Variants in MEIS2 observed in about 807,000 individuals in gnomAD.
The protein encoded by MEIS2 is Meis homeobox 2, also known as homeobox protein Meis2.
A neutral mutation model predicts 58.6 loss-of-function variants in MEIS2; 9 were observed. That is an observed-to-expected ratio of 0.15 (90% CI 0.09 to 0.27). MEIS2 has a LOEUF of 0.27. Among genes scored for constraint, MEIS2 ranks in the 10% least tolerant of loss-of-function variants. The pLI is 1.00. For synonymous variants in MEIS2, 221 were observed against 228.4 expected (o/e 0.97, Z 0.29); for missense variants, 427 against 635.0 (o/e 0.67, Z 3.52).
chr15:37,002,870 A>T (rs764628855), intron 8 of MEIS2, among the ~76,000 whole-genome samples: 3 of 152,180 alleles, frequency 2.0e-5, no homozygotes, highest in Non-Finnish European at 1.5e-5. Flanking sequence ...ATTTGCTTTC[A>T]ATTGGAAGAT....
intron 8 of MEIS2, among the ~76,000 whole-genome samples, chr15:36,993,338 T>C (rs1053226160): frequency 2.6e-5 from 4 of 152,174 alleles, no homozygotes; most frequent in Admixed American, 6.5e-5. Flanking sequence ...AAAGTATTAA[T>C]CCACTTGTCA....
At chr15:37,070,739 C>T (rs143607736) in intron 7 of MEIS2, among the ~76,000 whole-genome samples, 82 of 152,080 alleles carry the variant, frequency 5.4e-4, no homozygotes, top group Middle Eastern at 3.4e-3. Context: ...TGCAACAATG[C>T]TAAAAAAATT....
chr15:37,073,389 C>G (rs963984035), intron 7 of MEIS2, among the ~76,000 whole-genome samples: 1 of 151,952 alleles, frequency 6.6e-6, no homozygotes, highest in Admixed American at 6.6e-5. Context: ...TGGTACTCCC[C>G]CCACCACCAC....
chr15:37,043,266 C>T (rs1048583725), intron 7 of MEIS2, among the ~76,000 whole-genome samples: 1 of 152,154 alleles, frequency 6.6e-6, no homozygotes, highest in East Asian at 1.9e-4. Context: ...GATAGCTCAT[C>T]TGGAGGAACA....
intron 8 of MEIS2, among the ~76,000 whole-genome samples, chr15:36,973,534 T>C (rs1028023486): frequency 1.3e-5 from 2 of 152,182 alleles, no homozygotes; most frequent in African/African-American, 4.8e-5. Context: ...TTAGTAGGTG[T>C]TATAAAACAT....
In MEIS2 at chr15:37,006,438, C is replaced by T. The variant is rs565453015; in HGVS notation, c.900+30376G>A. 1.2e-4 allele frequency among the ~76,000 whole-genome samples: 19 copies of T among 152,304 alleles called. No homozygotes were observed. In the South Asian group the frequency reaches 3.9e-3, roughly 32 times the overall value. On this transcript the variant is annotated intron_variant, in intron 8 of 11. Transcript: ENST00000561208. ...AATTAAGATGTCAGCTTTTCTAACACTTTCAGGGGTGTGACCTTATATCTT... is the reference window on the plus strand; with the variant it reads ...AATTAAGATGTCAGCTTTTCTAACATTTTCAGGGGTGTGACCTTATATCTT...
intron 6 of MEIS2, among the ~76,000 whole-genome samples, chr15:37,092,565 C>T (rs1893659598): frequency 6.6e-6 from 1 of 151,978 alleles, no homozygotes; most frequent in Non-Finnish European, 1.5e-5. Flanking sequence ...CCCCCATTTC[C>T]AGGCTTGAGT....
intron 8 of MEIS2, among the ~76,000 whole-genome samples, chr15:36,959,093 T>C (rs568979210): frequency 6.6e-6 from 1 of 152,280 alleles, no homozygotes; most frequent in African/African-American, 2.4e-5. Flanking sequence ...ATTTTATGCC[T>C]AACAAAACTG....
chr15:36,916,150 G>T (rs1012689594), intron 9 of MEIS2, among the ~76,000 whole-genome samples: 31 of 150,958 alleles, frequency 2.1e-4, no homozygotes, highest in Non-Finnish European at 3.0e-4. Context: ...GTCTCAGGCT[G>T]GGCGCAGTGG....
intron 8 of MEIS2, among the ~76,000 whole-genome samples, chr15:37,031,316 T>C (rs569237046): frequency 6.6e-6 from 1 of 152,176 alleles, no homozygotes; most frequent in Non-Finnish European, 1.5e-5. Context: ...AAAGAAGCCA[T>C]CTGGATCTGC....
chr15:36,933,361 A>T (rs2058050231), intron 9 of MEIS2, among the ~76,000 whole-genome samples: 1 of 152,186 alleles, frequency 6.6e-6, no homozygotes, highest in Non-Finnish European at 1.5e-5. Context: ...ACATACCCAT[A>T]CACATATATG....
chr15:37,084,649 A>G (rs1315592602), intron 6 of MEIS2, among the ~76,000 whole-genome samples: 2 of 152,210 alleles, frequency 1.3e-5, no homozygotes, highest in South Asian at 2.1e-4. Context: ...TAGAAGAACT[A>G]CTTGTTTCAA....
chr15:37,070,653 T>G (rs1314318635), intron 7 of MEIS2, among the ~76,000 whole-genome samples: 1 of 152,158 alleles, frequency 6.6e-6, no homozygotes, highest in Non-Finnish European at 1.5e-5. Flanking sequence ...TAAATATTCT[T>G]GGAACCATAG....
chr15:37,009,881 TA>T (rs1281621343), intron 8 of MEIS2, among the ~76,000 whole-genome samples: 4 of 152,310 alleles, frequency 2.6e-5, no homozygotes, highest in African/African-American at 9.6e-5. Flanking sequence ...GGATATGAAT[TA>T]AAAAACTAAA....
chr15:37,009,769 G>A (rs1282316819), intron 8 of MEIS2, among the ~76,000 whole-genome samples: 2 of 152,158 alleles, frequency 1.3e-5, no homozygotes, highest in Non-Finnish European at 2.9e-5. Flanking sequence ...AGGATCTGGA[G>A]ATTGAAAAGG....
At chr15:36,971,536 T>TGAAAAAAAAAAAAA (rs1567126001) in intron 8 of MEIS2, among the ~76,000 whole-genome samples, 1 of 65,436 alleles carries the variant, frequency 1.5e-5, no homozygotes, top group Non-Finnish European at 2.5e-5. Flanking sequence ...CCTTGTTACA[T>TGAAAAAAAAAAAAA]TAAAAAAAAA....
intron 9 of MEIS2, among the ~76,000 whole-genome samples, chr15:36,938,394 C>G (rs574656172): frequency 1.3e-5 from 2 of 152,178 alleles, no homozygotes; most frequent in Non-Finnish European, 2.9e-5. Flanking sequence ...TCAGGCCCCA[C>G]TCAGATCTGC....
intron 8 of MEIS2, among the ~76,000 whole-genome samples, chr15:36,967,183 G>A (rs1362509995): frequency 2.6e-5 from 4 of 152,072 alleles, no homozygotes; most frequent in Admixed American, 2.6e-4. Flanking sequence ...CTCACATAGC[G>A]ATATCCTAAC....
At chr15:36,925,792 G>A (rs2057724542) in intron 9 of MEIS2, among the ~76,000 whole-genome samples, 1 of 152,104 alleles carries the variant, frequency 6.6e-6, no homozygotes, top group African/African-American at 2.4e-5. Context: ...AGTGCTGTGA[G>A]CTTGGGTCAC....
Sources: gnomAD v4.1 joint callset for allele counts (sites outside exome capture counted in the v4.1 genomes callset) on GRCh38, gnomAD v4.1.1 for gene constraint, MANE v1.5 for transcripts, NCBI Gene and HGNC (gene_info 2026-07-23, HGNC 2026-07-21) for gene names.